Variants in COLEC12 observed in about 807,000 individuals in gnomAD.
COLEC12 encodes the protein collectin subfamily member 12.
Under a neutral mutation model 71.1 loss-of-function variants are expected in COLEC12, and 33 were observed. The ratio of observed to expected loss-of-function variants is 0.46; its 90% CI spans 0.35 to 0.62. The LOEUF (loss-of-function observed/expected upper bound fraction) is 0.62, where lower values mean the gene tolerates loss of function less well. COLEC12 is among the 20% of genes least tolerant of loss of function. COLEC12 has a pLI of 0.00. For missense variants in COLEC12, 765 were observed against 916.1 expected (o/e 0.84, Z 2.13); for synonymous variants, 350 against 353.0 (o/e 0.99, Z 0.10).
chr18:360,543 G>A (rs1024121002), intron 2 of COLEC12, among the ~76,000 whole-genome samples: 1 of 152,170 alleles, frequency 6.6e-6, no homozygotes, highest in Non-Finnish European at 1.5e-5. Flanking sequence ...TGATGCTGAT[G>A]CTGATGCTGC....
At chr18:338,984 A>ATTTTTTTTTTTTTTTTTTT (rs33991062) in intron 5 of COLEC12, among the ~76,000 whole-genome samples, 1 of 144,490 alleles carries the variant, frequency 6.9e-6, no homozygotes. Context: ...TATTGTCTTA[A>ATTTTTTTTTTTTTTTTTTT]TTTTTTTTTT....
chr18:331,335 C>T (rs1429275683), intron 8 of COLEC12, among the ~76,000 whole-genome samples: 1 of 152,190 alleles, frequency 6.6e-6, no homozygotes, highest in Non-Finnish European at 1.5e-5. Context: ...CTGAGGTTGC[C>T]TGGGCTTCAT....
intron 5 of COLEC12, among the ~76,000 whole-genome samples, chr18:345,870 A>G (rs986661478): frequency 6.6e-6 from 1 of 152,246 alleles, no homozygotes; most frequent in African/African-American, 2.4e-5. Context: ...TAAGAAACAG[A>G]ATGAAGTGGA....
intron 5 of COLEC12, among the ~76,000 whole-genome samples, chr18:337,045 G>A (rs1413466744): frequency 6.7e-6 from 1 of 150,338 alleles, no homozygotes; most frequent in Admixed American, 6.6e-5. Flanking sequence ...AATTTTTAAT[G>A]TTTTTGTAGA....
At chr18:440,207 G>A (rs1916487721) in intron 2 of COLEC12, among the ~76,000 whole-genome samples, 1 of 152,100 alleles carries the variant, frequency 6.6e-6, no homozygotes, top group African/African-American at 2.4e-5. Flanking sequence ...CATGGGATGG[G>A]GAATGGGGAG....
chr18:469,004 T>C (rs1343108556), intron 2 of COLEC12, among the ~76,000 whole-genome samples: 2 of 152,288 alleles, frequency 1.3e-5, no homozygotes, highest in Non-Finnish European at 2.9e-5. Flanking sequence ...TAGTAACAGC[T>C]GTGGCCGATG....
intron 2 of COLEC12, among the ~76,000 whole-genome samples, chr18:426,659 T>C (rs1916205245): frequency 6.6e-6 from 1 of 152,246 alleles, no homozygotes; most frequent in Non-Finnish European, 1.5e-5. Flanking sequence ...CATGTTCATT[T>C]GATATAGGTA....
In COLEC12 at chr18:378,335, A is replaced by C. The variant is rs574911652; in HGVS notation, c.59-20813T>G. On this transcript the variant is annotated intron_variant, in intron 2 of 9. Coordinates refer to ENST00000400256, the MANE Select transcript of COLEC12 (RefSeq NM_130386.3). ...AAGAAGTTGTGAATTAAACACAAAA[A>C]CCGTCATAAATAAAAGTAGACAGAA... Among the ~76,000 whole-genome samples the C allele has an allele frequency of 8.5e-5, 13 of 152,330 alleles. No individual in the cohort carries two copies. The South Asian group carries it at 2.7e-3, about 32-fold the overall frequency.
intron 2 of COLEC12, among the ~76,000 whole-genome samples, chr18:441,206 CCACTG>C (rs1410313255): frequency 2.0e-5 from 3 of 150,348 alleles, no homozygotes; most frequent in African/African-American, 7.3e-5. Flanking sequence ...CGAGATTGTG[CCACTG>C]CACTCCAGCC....
chr18:459,613 T>C (rs541228200), intron 2 of COLEC12, among the ~76,000 whole-genome samples: 2 of 152,372 alleles, frequency 1.3e-5, no homozygotes, highest in South Asian at 2.1e-4. Flanking sequence ...AGCGCAGCTT[T>C]CTTTGCACAT....
At chr18:401,025 TACA>T (rs1915674141) in intron 2 of COLEC12, among the ~76,000 whole-genome samples, 1 of 152,172 alleles carries the variant, frequency 6.6e-6, no homozygotes, top group Non-Finnish European at 1.5e-5. Flanking sequence ...CTAGTGAAAC[TACA>T]ACTAGATCAG....
chr18:387,333 C>A (rs1039751133), intron 2 of COLEC12, among the ~76,000 whole-genome samples: 1 of 152,128 alleles, frequency 6.6e-6, no homozygotes, highest in Non-Finnish European at 1.5e-5. Flanking sequence ...AGCAGAAGCG[C>A]TTTAGAGAAA....
intron 2 of COLEC12, among the ~76,000 whole-genome samples, chr18:388,354 C>G (rs535290057): frequency 6.6e-6 from 1 of 152,112 alleles, no homozygotes; most frequent in African/African-American, 2.4e-5. Context: ...CAGAGTTATC[C>G]GTATAATCTC....
Position 500,617 on chromosome 18 carries a change from G to A in COLEC12, c.-103C>T, listed in dbSNP as rs1189230699. 8.1e-6 allele frequency: 8 copies of A among 981,858 alleles called. No homozygotes were observed. Among genetic ancestry groups the A allele is most frequent in the Non-Finnish European group, 1.0e-5 (8 of 776,962 alleles). 60.8% of individuals were successfully genotyped at this position (981,858 alleles called of 1,614,324 possible). On this transcript the variant is annotated 5_prime_UTR_variant, in exon 1 of 10. Coordinates refer to ENST00000400256, the MANE Select transcript of COLEC12 (RefSeq NM_130386.3). This position sits in a 1 kb window ranked among gnomAD's most constrained non-coding sequence, Gnocchi z 5.3. The stretch of plus-strand genomic sequence containing the variant: ...TGCTCACCGCACGCCCATGGTAGCC[G>A]CGCCGCGCGCCGGCCGTCTGCGCCC...
chr18:395,649 C>G (rs565429972), intron 2 of COLEC12, among the ~76,000 whole-genome samples: 1 of 152,216 alleles, frequency 6.6e-6, no homozygotes, highest in Middle Eastern at 3.4e-3. Flanking sequence ...TAGAGTCAGC[C>G]GACAAATTGG....
At chr18:441,151 G>A (rs1173944476) in intron 2 of COLEC12, among the ~76,000 whole-genome samples, 1 of 148,048 alleles carries the variant, frequency 6.8e-6, no homozygotes, top group Non-Finnish European at 1.5e-5. Flanking sequence ...GGGAGGCTGA[G>A]GCAGGAGAAT....
At chr18:437,199 G>A (rs181043698) in intron 2 of COLEC12, among the ~76,000 whole-genome samples, 1 of 152,282 alleles carries the variant, frequency 6.6e-6, no homozygotes, top group African/African-American at 2.4e-5. Context: ...ACTGATGATA[G>A]GACTGTGAAG....
At chr18:404,098 C>T (rs1395133527) in intron 2 of COLEC12, among the ~76,000 whole-genome samples, 1 of 152,166 alleles carries the variant, frequency 6.6e-6, no homozygotes, top group African/African-American at 2.4e-5. Flanking sequence ...CACACCATGT[C>T]GCCGATGTGC....
At chr18:496,833 A>G (rs1917721750) in intron 1 of COLEC12, among the ~76,000 whole-genome samples, 1 of 152,182 alleles carries the variant, frequency 6.6e-6, no homozygotes, top group Admixed American at 6.5e-5. Context: ...CTCTTAGGCA[A>G]CAAGTGCTGC....
Sources: allele counts gnomAD v4.1 joint callset (sites outside exome capture counted in the v4.1 genomes callset), GRCh38; gene constraint gnomAD v4.1.1; non-coding constraint Gnocchi (gnomAD v3.1); transcripts MANE v1.5; gene names NCBI Gene and HGNC (gene_info 2026-07-23, HGNC 2026-07-21).